The following TDRD1 variants were observed in gnomAD, a reference collection of about 807,000 sequenced individuals.
The protein encoded by TDRD1 is tudor domain-containing protein 1.
In TDRD1, 37 loss-of-function variants were observed where a neutral mutation model predicts 140.6. That is an observed-to-expected ratio of 0.26 (90% CI 0.20 to 0.35). The LOEUF is 0.35. Ranked by LOEUF, TDRD1 falls within the 10% of genes least tolerant of loss-of-function variation. The pLI, the probability that TDRD1 is intolerant of heterozygous loss-of-function variation, is 1.00. For missense variants in TDRD1, 1,243 were observed against 1,393.0 expected, an observed-to-expected ratio of 0.89 and a Z score of 1.71; for synonymous variants, 506 against 475.7, an observed-to-expected ratio of 1.06 and a Z score of -0.83.
chr10:114,204,841 C>A, exon 10 of TDRD1: 1 of 1,597,162 alleles, frequency 6.3e-7, no homozygotes, highest in Non-Finnish European at 8.5e-7. Context: ...TTGTCGACAT[C>A]TTGGAAGAGG....
chr10:114,191,020 G>T lies in TDRD1; in HGVS notation c.384+1G>T. 6.2e-7 allele frequency: 1 copy of T among 1,613,512 alleles called. No individual in the cohort carries two copies. The highest frequency in any genetic ancestry group is 8.5e-7 in the Non-Finnish European group (1 of 1,179,662). On this transcript the variant is annotated splice_donor_variant, in intron 3 of 25. Coordinates refer to ENST00000251864, the Ensembl canonical transcript of TDRD1. LOFTEE classifies it high-confidence loss of function. ...TTCACCACCCAAAGAAGTGAATATT[G>T]TAAGTTATTTTATTGTGTGTGTGCT...
intron 5 of TDRD1, among the ~76,000 whole-genome samples, chr10:114,201,732 G>T (rs1340873272): frequency 6.6e-6 from 1 of 152,182 alleles, no homozygotes; most frequent in African/African-American, 2.4e-5. Context: ...AACCTTCAAA[G>T]AGTTTTTCTT....
chr10:114,181,942 A>G (rs1326558240), intron 1 of TDRD1, among the ~76,000 whole-genome samples: 15 of 152,192 alleles, frequency 9.9e-5, no homozygotes, highest in Admixed American at 9.8e-4. Flanking sequence ...ATAGAACTGT[A>G]AATCAAAGAA....
chr10:114,177,626 T>C (rs898915618), upstream of TDRD1, among the ~76,000 whole-genome samples: 1 of 152,172 alleles, frequency 6.6e-6, no homozygotes, highest in Non-Finnish European at 1.5e-5. Context: ...TATGATATCC[T>C]GATGAGATCT....
intron 1 of TDRD1, among the ~76,000 whole-genome samples, chr10:114,180,969 C>A (rs973776585): frequency 6.6e-6 from 1 of 151,964 alleles, no homozygotes; most frequent in Non-Finnish European, 1.5e-5. Context: ...CTTAGGAAGC[C>A]CCCAGCAACA....
At chr10:114,183,586 A>G (rs1368175538) in intron 1 of TDRD1, among the ~76,000 whole-genome samples, 1 of 151,952 alleles carries the variant, frequency 6.6e-6, no homozygotes, top group Non-Finnish European at 1.5e-5. Context: ...TTGAATATAC[A>G]GGTTTTTTAC....
At chr10:114,176,303 A>AC (rs1483378929), upstream of TDRD1, among the ~76,000 whole-genome samples, 2 of 151,908 alleles carry the variant, frequency 1.3e-5, no homozygotes, top group Non-Finnish European at 2.9e-5. The surrounding 1 kb of genome is among the most constrained non-coding windows in gnomAD (Gnocchi z 4.2). Flanking sequence ...AAAAAAAAAA[A>AC]CCCTGCAGTT....
rs746413607 is a variant in TDRD1 at position 114,218,370 on chromosome 10, TAGAA to T, written c.2324-41_2324-38del. ...TCAAGATAAGTATTTCAAGTGTCGA[TAGAA>T]AGGAAATGTTCCATGTCACAAACTG... On this transcript the variant is annotated intron_variant, in intron 17 of 25. Coordinates refer to ENST00000251864, the Ensembl canonical transcript of TDRD1. The T allele has an allele frequency of 5.6e-5, 75 of 1,330,970 alleles. No individual in the cohort carries two copies. In the African/African-American group the frequency reaches 8.3e-4, roughly 15 times the overall value. 82.4% of individuals were successfully genotyped at this position (1,330,970 alleles called of 1,614,324 possible).
chr10:114,213,794 T>C (rs1326944399), intron 15 of TDRD1, among the ~76,000 whole-genome samples, 183 bp from the exon 16 acceptor site: 1 of 152,230 alleles, frequency 6.6e-6, no homozygotes, highest in Non-Finnish European at 1.5e-5. Flanking sequence ...TGATCAGAAA[T>C]GTAAATTTGA....
upstream of TDRD1, among the ~76,000 whole-genome samples, chr10:114,176,429 T>C (rs1463321296): frequency 6.6e-6 from 1 of 152,166 alleles, no homozygotes; most frequent in East Asian, 1.9e-4. This position sits in a 1 kb window ranked among gnomAD's most constrained non-coding sequence, Gnocchi z 4.2. Context: ...ATATCAACGA[T>C]TTAAGATAAC....
intron 25 of TDRD1, chr10:114,231,351 AACT>A: frequency 1.4e-6 from 1 of 716,558 alleles, no homozygotes; most frequent in Non-Finnish European, 2.4e-6. Context: ...TAATTTTCTT[AACT>A]GACAGGTCTG....
chr10:114,187,626 T>C (rs955153420), intron 1 of TDRD1, among the ~76,000 whole-genome samples, 200 bp from the exon 2 acceptor site: 2 of 152,252 alleles, frequency 1.3e-5, no homozygotes, highest in Non-Finnish European at 2.9e-5. Context: ...TGATTTCTGT[T>C]AGAGTTCATA....
Position 114,201,665 on chromosome 10 carries a change from C to G in TDRD1, c.635+150C>G, listed in dbSNP as rs1304540487. The G allele has an allele frequency of 5.0e-5, 29 of 578,350 alleles. 1 individual carries two copies. The South Asian group carries it at 5.7e-4, about 11-fold the overall frequency. 35.8% of individuals were successfully genotyped at this position (578,350 alleles called of 1,614,324 possible). A position where few individuals can be genotyped will look rare whatever the true frequency, so the allele number is the denominator to read the frequency against. On this transcript the variant is annotated intron_variant, in intron 5 of 25. Coordinates refer to ENST00000251864, the Ensembl canonical transcript of TDRD1. ...GTGTACAAATCTGAAGTGAACAGCT[C>G]TATGAACTTAATTTTCATGTGTATC...
chr10:114,229,091 C>CAA (rs1300779860), intron 25 of TDRD1, among the ~76,000 whole-genome samples: 1 of 9,952 alleles, frequency 1.0e-4, no homozygotes, highest in African/African-American at 9.4e-4. Context: ...AAAAACAAAA[C>CAA]AAAACAAAAC....
At chr10:114,183,691 C>T (rs2033280044) in intron 1 of TDRD1, among the ~76,000 whole-genome samples, 2 of 149,892 alleles carry the variant, frequency 1.3e-5, no homozygotes, top group Admixed American at 1.3e-4. Context: ...TTAAAGCCAT[C>T]ACAGTTAACT....
chr10:114,212,258 T>C (rs2035533708), intron 14 of TDRD1, among the ~76,000 whole-genome samples: 1 of 152,186 alleles, frequency 6.6e-6, no homozygotes, highest in African/African-American at 2.4e-5. Flanking sequence ...GAATATCCTA[T>C]CTCAGAGGGC....
At chr10:114,188,056 A>G (rs142999148) in exon 2 of TDRD1, 132 of 1,614,060 alleles carry the variant, frequency 8.2e-5, no homozygotes, top group Non-Finnish European at 1.1e-4. Flanking sequence ...AAACCAAACA[A>G]TATTTGGCTA....
At chr10:114,204,691 T>G (rs1237863626) in intron 9 of TDRD1, 31 bp from the exon 10 acceptor site, 23 of 1,567,952 alleles carry the variant, frequency 1.5e-5, no homozygotes, top group Non-Finnish European at 1.8e-5. Context: ...AAATGGTAAT[T>G]TTTGTAAGTA....
intron 21 of TDRD1, among the ~76,000 whole-genome samples, chr10:114,224,776 T>A (rs1002877140): frequency 6.6e-6 from 1 of 152,248 alleles, no homozygotes; most frequent in African/African-American, 2.4e-5. Flanking sequence ...TCTTCTAATG[T>A]TCATTGTCAT....
Sources: allele counts gnomAD v4.1 joint callset (sites outside exome capture counted in the v4.1 genomes callset), GRCh38; gene constraint gnomAD v4.1.1; non-coding constraint Gnocchi (gnomAD v3.1); transcripts MANE v1.5; gene names NCBI Gene and HGNC (gene_info 2026-07-23, HGNC 2026-07-21).